Variants in GFRA3 observed in about 807,000 individuals in gnomAD.
The protein encoded by GFRA3 is GDNF family receptor alpha-3.
A neutral mutation model predicts 40.0 loss-of-function variants in GFRA3; 24 were observed. The ratio of observed to expected loss-of-function variants is 0.60; its 90% CI spans 0.43 to 0.84. GFRA3 has a LOEUF of 0.84. Ranked by LOEUF, GFRA3 falls within the 40% of genes least tolerant of loss-of-function variation. The pLI, the probability that GFRA3 is intolerant of heterozygous loss-of-function variation, is 0.00. For missense variants in GFRA3, 405 were observed against 530.6 expected, an observed-to-expected ratio of 0.76 and a Z score of 2.33; for synonymous variants, 203 against 213.5, an observed-to-expected ratio of 0.95 and a Z score of 0.43.
intron 1 of GFRA3, among the ~76,000 whole-genome samples, chr5:138,270,306 A>T (rs1755850158): frequency 6.7e-6 from 1 of 149,074 alleles, no homozygotes; most frequent in African/African-American, 2.5e-5. Context: ...CGGGAGGCGG[A>T]GCTTGCAGTG....
chr5:138,271,896 T>TTG lies in GFRA3; in HGVS notation c.91+2437_91+2438insCA, dbSNP rs1378227746. On this transcript the variant is annotated intron_variant, in intron 1 of 7. Coordinates refer to ENST00000274721, the MANE Select transcript of GFRA3 (RefSeq NM_001496.4). Reference sequence around the variant, plus strand: ...CCCGGCAGTATTTTCTTTTCTGTTTTTTTTTTTTTTTTTTTTTTGTGTGTG... The same window carrying TTG: ...CCCGGCAGTATTTTCTTTTCTGTTTTTGTTTTTTTTTTTTTTTTTTGTGTGTG... 4.7e-5 allele frequency among the ~76,000 whole-genome samples: 5 copies of TTG among 105,970 alleles called. No individual in the cohort carries two copies. The East Asian group carries it at 1.3e-3, about 28-fold the overall frequency. The allele number at this position is 105,970 out of a possible 152,430, so 69.5% of individuals were successfully genotyped here. A position where few individuals can be genotyped will look rare whatever the true frequency, so the allele number is the denominator to read the frequency against.
chr5:138,258,824 T>C (rs1408050669), intron 3 of GFRA3, among the ~76,000 whole-genome samples: 1 of 152,242 alleles, frequency 6.6e-6, no homozygotes, highest in Non-Finnish European at 1.5e-5. Context: ...ATACTCTGAA[T>C]CTTGGGAAAT....
chr5:138,271,224 T>G (rs1755863774), intron 1 of GFRA3, among the ~76,000 whole-genome samples: 1 of 152,166 alleles, frequency 6.6e-6, no homozygotes, highest in Non-Finnish European at 1.5e-5. Context: ...ACTCCCGACC[T>G]CAGGTGATCT....
chr5:138,261,861 G>A (rs1441421528), intron 2 of GFRA3, among the ~76,000 whole-genome samples: 3 of 152,134 alleles, frequency 2.0e-5, no homozygotes, highest in Non-Finnish European at 2.9e-5. Flanking sequence ...CACACTGTTT[G>A]TGGATATCTC....
At chr5:138,260,118 G>C (rs4596377) in intron 2 of GFRA3, among the ~76,000 whole-genome samples, 39 of 152,236 alleles carry the variant, frequency 2.6e-4, no homozygotes, top group African/African-American at 8.7e-4. Flanking sequence ...AGGATTATAC[G>C]TCCCCACCTG....
intron 4 of GFRA3, among the ~76,000 whole-genome samples, chr5:138,254,423 G>A (rs1755597985): frequency 1.3e-5 from 2 of 152,042 alleles, no homozygotes. Context: ...CTGACCTCAG[G>A]TGATCCACCT....
chr5:138,268,062 A>G (rs535945486), intron 1 of GFRA3, among the ~76,000 whole-genome samples: 17 of 152,256 alleles, frequency 1.1e-4, no homozygotes, highest in African/African-American at 4.1e-4. Context: ...AGGCGGGTGG[A>G]TTACCTGAGG....
At chr5:138,271,913 T>TTTTTTGTGTGTGTGTGTGTGTG (rs59830655) in intron 1 of GFRA3, among the ~76,000 whole-genome samples, 1 of 54,328 alleles carries the variant, frequency 1.8e-5, no homozygotes, top group African/African-American at 7.0e-5. Flanking sequence ...TTTTTTTTTT[T>TTTTTTGTGTGTGTGTGTGTGTG]TGTGTGTGTG....
intron 4 of GFRA3, among the ~76,000 whole-genome samples, 164 bp from the exon 5 acceptor site, chr5:138,254,324 A>C (rs1755596964): frequency 6.6e-6 from 1 of 151,766 alleles, no homozygotes; most frequent in African/African-American, 2.4e-5. Context: ...AGTAGCTGGG[A>C]CTACAGTCAC....
At chr5:138,254,275 C>T (rs1755595965) in intron 4 of GFRA3, 115 bp from the exon 5 acceptor site, 1 of 665,720 alleles carries the variant, frequency 1.5e-6, no homozygotes, top group Non-Finnish European at 2.7e-6. Context: ...GCAACCTCTG[C>T]CTCCCAGGTT....
Position 138,264,451 on chromosome 5 carries a change from G to T in GFRA3, c.189C>A (p.His63Gln), listed in dbSNP as rs764367750. 6.2e-7 allele frequency: 1 copy of T among 1,613,966 alleles called. No homozygotes were observed. Residue 63 changes from histidine (H) to glutamine (Q), a missense_variant, in exon 2 of 8, where the codon CAC becomes CAA. By Grantham distance (24) the His-to-Gln change is conservative (BLOSUM62 0). Transcript: ENST00000274721. ...TTATGCTAGAGGTGCAGGAATCCAG[G>T]TGGTGGTAGGCAGCACTGCAGGTGG... ...ADPTCSAAYH[H>Q]LDSCTSSIST...
At chr5:138,261,712 A>G in intron 2 of GFRA3, among the ~76,000 whole-genome samples, 1 of 151,018 alleles carries the variant, frequency 6.6e-6, no homozygotes, top group Non-Finnish European at 1.5e-5. Flanking sequence ...AAAAAAAAAA[A>G]AAAAAGAAGA....
chr5:138,274,417 C>A lies in GFRA3; in HGVS notation c.8G>T (p.Arg3Leu). The change falls in exon 1 of 8, where the codon CGC (arginine) becomes CTC (leucine). Residue 3 changes from arginine to leucine, a missense_variant. Coordinates refer to ENST00000274721, the MANE Select transcript of GFRA3 (RefSeq NM_001496.4). Reference protein sequence around the residue: MVRPLNPRPLPPV... With the variant: MVLPLNPRPLPPV... ...CGGCAGCGGTCGCGGGTTCAGGGGG[C>A]GCACCATGGCGAGCTGTAGGCGCCG... The A allele has an allele frequency of 1.5e-6, 2 of 1,308,316 alleles. No homozygotes were observed. The highest frequency in any genetic ancestry group is 9.8e-7 in the Non-Finnish European group (1 of 1,023,004). The allele number at this position is 1,308,316 out of a possible 1,614,324, so 81.0% of individuals were successfully genotyped here. A position where few individuals can be genotyped will look rare whatever the true frequency, so the allele number is the denominator to read the frequency against.
chr5:138,270,824 T>C (rs1387245213), intron 1 of GFRA3, among the ~76,000 whole-genome samples: 2 of 152,088 alleles, frequency 1.3e-5, no homozygotes, highest in Non-Finnish European at 2.9e-5. Flanking sequence ...TCAAAAAGTA[T>C]TTAAGGAAGG....
rs112647731 is a variant in GFRA3, at chr5:138,272,066, C to T, written c.91+2268G>A. Among the ~76,000 whole-genome samples, 367 of 147,468 alleles carry T rather than the reference C, an allele frequency of 2.5e-3. 5 individuals carry two copies. The highest frequency in any genetic ancestry group is 2.6e-3 in the Non-Finnish European group (172 of 67,168). On this transcript the variant is annotated intron_variant, in intron 1 of 7. Transcript: ENST00000274721. The stretch of plus-strand genomic sequence containing the variant: ...TGTCACCCAGGCTGGAGTGCAGTGG[C>T]GCGATCTCAGCTCACTGCAAGCTCC...
chr5:138,256,957 A>AAG (rs2126612189), intron 4 of GFRA3, among the ~76,000 whole-genome samples: 1 of 151,622 alleles, frequency 6.6e-6, no homozygotes, highest in African/African-American at 2.4e-5. Flanking sequence ...AAAAAAAAAA[A>AAG]AAAAAGTTCT....
intron 2 of GFRA3, among the ~76,000 whole-genome samples, chr5:138,261,774 T>TA (rs199677930): frequency 5.2e-4 from 61 of 116,230 alleles, no homozygotes; most frequent in East Asian, 4.3e-3. Flanking sequence ...AGATAAAACA[T>TA]AAAAAAAAAT....
intron 2 of GFRA3, among the ~76,000 whole-genome samples, chr5:138,262,912 A>G (rs1362232759): frequency 6.6e-6 from 1 of 152,158 alleles, no homozygotes; most frequent in East Asian, 1.9e-4. Context: ...GGAAACTATC[A>G]TGAGATCCTA....
Position 138,257,648 on chromosome 5 carries a change from G to T in GFRA3, c.776C>A (p.Pro259Gln), listed in dbSNP as rs202238427. The T allele has an allele frequency of 1.2e-6, 2 of 1,608,824 alleles. No individual in the cohort carries two copies. Among genetic ancestry groups the T allele is most frequent in the East Asian group, 2.2e-5 (1 of 44,790 alleles). The change falls in exon 4 of 8, where the codon CCG becomes CAG. Residue 259 changes from proline to glutamine, a missense_variant. By Grantham distance (76) the Pro-to-Gln change is moderately conservative (BLOSUM62 -1). Transcript: ENST00000274721. ...CTCCCAAACTACACACCTGCAAAGC[G>T]GGTCGGAGAAGCAGAGGCGCCGCAG... ...LELRRLCFSD[P>Q]LCRSRLVDFQ...
Sources: allele counts gnomAD v4.1 joint callset (sites outside exome capture counted in the v4.1 genomes callset), GRCh38; gene constraint gnomAD v4.1.1; transcripts MANE v1.5; gene names NCBI Gene and HGNC (gene_info 2026-07-23, HGNC 2026-07-21).